STAU2: variants seen among roughly 807,000 people sequenced by gnomAD.
STAU2 encodes the protein staufen double-stranded RNA binding protein 2, also known as double-stranded RNA-binding protein Staufen homolog 2.
STAU2 carries 20 observed loss-of-function variants against 65.9 expected under a neutral mutation model. The observed-to-expected ratio is 0.30, with a 90% CI of 0.21 to 0.44. STAU2 has a LOEUF of 0.44. Ranked by LOEUF, STAU2 falls within the 20% of genes least tolerant of loss-of-function variation. STAU2 has a pLI of 1.00. For synonymous variants in STAU2, 232 were observed against 233.9 expected, an observed-to-expected ratio of 0.99 and a Z score of 0.07; for missense variants, 558 against 683.9, an observed-to-expected ratio of 0.82 and a Z score of 2.05.
chr8:73,658,685 C>T (rs910567494), intron 6 of STAU2, among the ~76,000 whole-genome samples: 2 of 151,922 alleles, frequency 1.3e-5, no homozygotes, highest in Admixed American at 6.6e-5. Context: ...GAGCCCGAGG[C>T]GGGTGAATCA....
rs544031549 is a variant in STAU2 at position 73,558,853 on chromosome 8, G to T, written c.1223-6534C>A. ...GTTTCCATTGCCAGCTTGAATTTAC[G>T]CCTCAACAATGTTGGACTATAAATT... On this transcript the variant is annotated intron_variant, in intron 12 of 14. Coordinates refer to ENST00000524300, the MANE Select transcript of STAU2 (RefSeq NM_001164380.2). 2.6e-5 allele frequency among the ~76,000 whole-genome samples: 4 copies of T among 151,730 alleles called. No homozygotes were observed. The South Asian group carries it at 8.4e-4, about 32-fold the overall frequency.
chr8:73,568,942 C>A (rs982005180), intron 12 of STAU2, among the ~76,000 whole-genome samples: 1 of 152,110 alleles, frequency 6.6e-6, no homozygotes, highest in Non-Finnish European at 1.5e-5. Flanking sequence ...TGCATTCCAA[C>A]TGAGGTACCA....
At chr8:73,567,752 G>C (rs1808725023) in intron 12 of STAU2, among the ~76,000 whole-genome samples, 2 of 151,956 alleles carry the variant, frequency 1.3e-5, no homozygotes. Flanking sequence ...GTTTCACCGT[G>C]TTGGCCAGGC....
chr8:73,610,154 G>T (rs971517706), intron 9 of STAU2, among the ~76,000 whole-genome samples: 7 of 152,028 alleles, frequency 4.6e-5, no homozygotes, highest in African/African-American at 1.7e-4. Context: ...GTGGTGTTGT[G>T]CCTGTAGTCC....
intron 7 of STAU2, 25 bp from the exon 8 acceptor site, chr8:73,615,807 A>G: frequency 6.5e-7 from 1 of 1,530,406 alleles, no homozygotes; most frequent in Non-Finnish European, 9.0e-7. Flanking sequence ...ATAGGATAAC[A>G]CTGAATCTTG....
At chr8:73,678,985 A>G (rs140864617) in intron 5 of STAU2, among the ~76,000 whole-genome samples, 53 of 152,320 alleles carry the variant, frequency 3.5e-4, no homozygotes, top group African/African-American at 1.2e-3. Flanking sequence ...CCAAGTAGAG[A>G]ATGATTAAAT....
intron 13 of STAU2, among the ~76,000 whole-genome samples, chr8:73,510,423 A>G (rs1822325087): frequency 6.6e-6 from 1 of 152,244 alleles, no homozygotes; most frequent in Admixed American, 6.5e-5. Flanking sequence ...CAAATAGTCA[A>G]ATTTGTACAA....
intron 7 of STAU2, among the ~76,000 whole-genome samples, chr8:73,616,523 G>A (rs1012433195): frequency 6.6e-6 from 1 of 151,998 alleles, no homozygotes; most frequent in Admixed American, 6.6e-5. Context: ...ATGCTGCCGG[G>A]CATGGTGGCT....
intron 6 of STAU2, among the ~76,000 whole-genome samples, chr8:73,650,030 A>G (rs1815740669): frequency 6.6e-6 from 1 of 151,620 alleles, no homozygotes; most frequent in Admixed American, 6.6e-5. Flanking sequence ...CAACAGTATT[A>G]AGTAAATCGC....
intron 10 of STAU2, among the ~76,000 whole-genome samples, chr8:73,596,970 T>C (rs1024511012): frequency 2.0e-5 from 3 of 151,942 alleles, no homozygotes; most frequent in Non-Finnish European, 2.9e-5. Flanking sequence ...TGGACATATA[T>C]CAAAACTTGA....
intron 1 of STAU2, among the ~76,000 whole-genome samples, chr8:73,744,789 G>C (rs536255344): frequency 2.6e-4 from 39 of 152,300 alleles, no homozygotes; most frequent in Non-Finnish European, 4.9e-4. Context: ...GTGTGTGATA[G>C]AGAGCAAATA....
At chr8:73,630,788 C>A (rs1010102476) in intron 6 of STAU2, among the ~76,000 whole-genome samples, 3 of 152,082 alleles carry the variant, frequency 2.0e-5, no homozygotes, top group African/African-American at 7.2e-5. Flanking sequence ...CCCAGGAAAT[C>A]ATAGTTGTTG....
At chr8:73,741,351 ACTC>A (rs1806864066) in intron 1 of STAU2, among the ~76,000 whole-genome samples, 1 of 151,132 alleles carries the variant, frequency 6.6e-6, no homozygotes, top group East Asian at 1.9e-4. Flanking sequence ...ACTTTGAAAA[ACTC>A]CACTTTGTCT....
At chr8:73,467,228 T>A (rs1433273535) in intron 13 of STAU2, among the ~76,000 whole-genome samples, 1 of 152,162 alleles carries the variant, frequency 6.6e-6, no homozygotes, top group South Asian at 2.1e-4. Context: ...ATTAGTTGAG[T>A]TAATAATTGA....
At chr8:73,498,096 A>T (rs1023421015) in intron 13 of STAU2, among the ~76,000 whole-genome samples, 1 of 151,858 alleles carries the variant, frequency 6.6e-6, no homozygotes, top group Non-Finnish European at 1.5e-5. Context: ...AACTTTCTAC[A>T]TGATTTATAT....
rs566810604 is a variant in STAU2, at chr8:73,733,305, T to C, written c.-18+4979A>G. Among the ~76,000 whole-genome samples, 6 of 152,306 alleles carry C rather than the reference T, an allele frequency of 3.9e-5. No individual in the cohort carries two copies. In the East Asian group the frequency reaches 1.2e-3, roughly 29 times the overall value. On this transcript the variant is annotated intron_variant, in intron 3 of 14. Coordinates refer to ENST00000524300, the MANE Select transcript of STAU2 (RefSeq NM_001164380.2). ...CCTAATATAGACTTTTCCAATTCCT[T>C]AGGACACACTGACCTGTCAAGCCTA...
At chr8:73,709,684 T>C (rs1337522747) in intron 3 of STAU2, among the ~76,000 whole-genome samples, 4 of 152,116 alleles carry the variant, frequency 2.6e-5, no homozygotes, top group Non-Finnish European at 5.9e-5. Flanking sequence ...CTCCCCTTTC[T>C]GTTTTTTTAA....
At chr8:73,690,967 C>A (rs1819286322) in intron 4 of STAU2, among the ~76,000 whole-genome samples, 1 of 152,060 alleles carries the variant, frequency 6.6e-6, no homozygotes, top group African/African-American at 2.4e-5. Flanking sequence ...AACTTTGCCA[C>A]AAAGTAAGAA....
chr8:73,587,234 C>T (rs1810442276), intron 11 of STAU2, among the ~76,000 whole-genome samples: 1 of 151,998 alleles, frequency 6.6e-6, no homozygotes, highest in Non-Finnish European at 1.5e-5. Context: ...TAGAAAAAAA[C>T]TATCAAGTGT....
Sources: allele counts gnomAD v4.1 joint callset (sites outside exome capture counted in the v4.1 genomes callset), GRCh38; gene constraint gnomAD v4.1.1; transcripts MANE v1.5; gene names NCBI Gene and HGNC (gene_info 2026-07-23, HGNC 2026-07-21).